KXD1: variants seen among roughly 807,000 people sequenced by gnomAD.
The protein encoded by KXD1 is kxDL motif-containing protein 1.
KXD1 carries 5 observed loss-of-function variants against 12.1 expected under a neutral mutation model. The observed-to-expected ratio is 0.41, with a 90% CI of 0.22 to 0.87. The LOEUF is 0.87. Among genes scored for constraint, KXD1 ranks in the 40% least tolerant of loss-of-function variants. KXD1 has a pLI of 0.31. For missense variants in KXD1, 193 were observed against 244.9 expected, an observed-to-expected ratio of 0.79 and a Z score of 1.41; for synonymous variants, 98 against 100.5, an observed-to-expected ratio of 0.98 and a Z score of 0.15.
intron 3 of KXD1, 162 bp downstream of exon 3, chr19:18,565,183 A>G: frequency 3.5e-6 from 5 of 1,412,512 alleles, no homozygotes; most frequent in Non-Finnish European, 4.6e-6. Flanking sequence ...CTGGGATAAA[A>G]TCTTGACGTA....
chr19:18,559,966 T>C, intron 1 of KXD1: 2 of 147,638 alleles, frequency 1.4e-5, no homozygotes, highest in Non-Finnish European at 3.0e-5. Flanking sequence ...CTTCTCTCTC[T>C]CTTTCTCTCT....
intron 3 of KXD1, 52 bp from the exon 4 acceptor site, chr19:18,567,080 C>A: frequency 6.3e-7 from 1 of 1,588,704 alleles, no homozygotes; most frequent in Non-Finnish European, 8.6e-7. Context: ...AGCACCAGGC[C>A]CAGCCTACCT....
At chr19:18,568,252 C>T (rs1269892709) in intron 4 of KXD1, 150 bp from the exon 5 acceptor site, 21 of 648,138 alleles carry the variant, frequency 3.2e-5, no homozygotes, top group East Asian at 1.0e-4. Flanking sequence ...GGGCAAAGAG[C>T]GAAACTCCGT....
chr19:18,560,714 CTTT>C (rs11313029), intron 1 of KXD1, among the ~76,000 whole-genome samples: 331 of 148,108 alleles, frequency 2.2e-3, no homozygotes, highest in South Asian at 5.3e-3. Flanking sequence ...TCTACTCCTT[CTTT>C]TTTTTTTTTG....
Position 18,568,744 on chromosome 19 carries a change from C to T in KXD1, c.*113C>T, listed in dbSNP as rs1348082889. On this transcript the variant is annotated 3_prime_UTR_variant, in exon 5 of 5. Coordinates refer to ENST00000222307, the MANE Select transcript of KXD1 (RefSeq NM_024069.4). ...CTCCTTTGCTGCCCCGTTCTGTCAC[C>T]CAGGGCTCCTAGGGGGACAAGGCTC... 2.6e-6 allele frequency: 2 copies of T among 770,442 alleles called. No individual in the cohort carries two copies. The highest frequency in any genetic ancestry group is 3.4e-5 in the South Asian group (2 of 58,882). 47.7% of individuals were successfully genotyped at this position (770,442 alleles called of 1,614,324 possible).
chr19:18,560,223 G>T (rs990681551), intron 1 of KXD1: 5 of 151,930 alleles, frequency 3.3e-5, no homozygotes, highest in Non-Finnish European at 7.4e-5. Context: ...GGCCAGGCTG[G>T]TTTTGAACTC....
chr19:18,568,265 CAAAAA>C (rs397859705), intron 4 of KXD1, 132 bp from the exon 5 acceptor site: 494 of 499,596 alleles, frequency 9.9e-4, no homozygotes, highest in Middle Eastern at 1.5e-3. Context: ...AACTCCGTCT[CAAAAA>C]AAAAAAAAAA....
chr19:18,560,700 C>T (rs1466076036), intron 1 of KXD1: 1 of 140,890 alleles, frequency 7.1e-6, no homozygotes, highest in Non-Finnish European at 1.5e-5. Context: ...GTGACAGACA[C>T]ACCTCTACTC....
intron 3 of KXD1, 144 bp from the exon 4 acceptor site, chr19:18,566,987 GT>G (rs1370226904): frequency 1.4e-6 from 1 of 701,870 alleles, no homozygotes; most frequent in African/African-American, 1.8e-5. Flanking sequence ...CCTAGAGAGA[GT>G]GAAGATGTGA....
At chr19:18,562,457 GTTTA>G (rs761752416) in intron 2 of KXD1, among the ~76,000 whole-genome samples, 6 of 152,012 alleles carry the variant, frequency 3.9e-5, no homozygotes, top group South Asian at 2.1e-4. Context: ...AGGTTTTTTT[GTTTA>G]TTTGTTTCTT....
chr19:18,568,610 C>G lies in KXD1; in HGVS notation c.510C>G (p.Asp170Glu). 3 of 1,611,678 alleles carry G rather than the reference C, an allele frequency of 1.9e-6. No homozygotes were observed. Among genetic ancestry groups the G allele is most frequent in the Non-Finnish European group, 2.5e-6 (3 of 1,179,942 alleles). The change falls in exon 5 of 5, where the codon GAC (aspartate) becomes GAG (glutamate). Residue 170 changes from aspartate to glutamate, a missense_variant. Physicochemically the swap from Asp to Glu is conservative, Grantham distance 45 (BLOSUM62 2). Transcript: ENST00000222307. The part of the protein sequence containing the change: ...PAINGRSQTD[D>E]EEMTGE ...TCAACGGCCGCAGCCAGACAGATGA[C>G]GAGGAGATGACGGGCGAATAGCCCT...
At chr19:18,558,576 C>T (rs1977010319) in intron 1 of KXD1, 1 of 152,174 alleles carries the variant, frequency 6.6e-6, no homozygotes, top group South Asian at 2.1e-4. Context: ...TCGTTATCAC[C>T]TTTGGTTTCA....
chr19:18,565,221 C>T lies in KXD1; in HGVS notation c.254+200C>T, dbSNP rs558628491. The T allele has an allele frequency of 1.5e-4, 195 of 1,309,658 alleles. 2 individuals are homozygous for T. The South Asian group carries it at 3.3e-3, about 22-fold the overall frequency. The allele number at this position is 1,309,658 out of a possible 1,614,324, so 81.1% of individuals were successfully genotyped here. A position where few individuals can be genotyped will look rare whatever the true frequency, so the allele number is the denominator to read the frequency against. On this transcript the variant is annotated intron_variant, in intron 3 of 4. Transcript: ENST00000222307. ...TTTATTTACTGATTGATTAATTGATCGAGACAGAGTTTTTTTTTTTTTTTT... is the reference window on the plus strand; with the variant it reads ...TTTATTTACTGATTGATTAATTGATTGAGACAGAGTTTTTTTTTTTTTTTT...
intron 4 of KXD1, 194 bp downstream of exon 4, chr19:18,567,372 A>T (rs1289913016): frequency 1.5e-6 from 1 of 653,378 alleles, no homozygotes; most frequent in Non-Finnish European, 2.8e-6. Context: ...GGGCACTAGG[A>T]CGGGAGTCCG....
chr19:18,562,754 G>C (rs1370364965), intron 2 of KXD1, among the ~76,000 whole-genome samples: 1 of 152,248 alleles, frequency 6.6e-6, no homozygotes, highest in Non-Finnish European at 1.5e-5. Flanking sequence ...GAGCCACTGT[G>C]CCTGGCCTTT....
Position 18,568,560 on chromosome 19 carries a change from C to G in KXD1, c.460C>G (p.His154Asp), listed in dbSNP as rs1482137121. Reference protein sequence around the residue: ...SLSPGFEDLSHVQPGSPAING... With the variant: ...SLSPGFEDLSDVQPGSPAING... ...GAGCCCCGGCTTCGAGGACCTGTCC[C>G]ATGTCCAGCCTGGCTCCCCAGCCAT... Residue 154 changes from histidine (H) to aspartate (D), a missense_variant, in exon 5 of 5, where the codon CAT becomes GAT. Physicochemically the swap from His to Asp is moderately conservative, Grantham distance 81. Coordinates refer to ENST00000222307, the MANE Select transcript of KXD1 (RefSeq NM_024069.4). 6.2e-7 allele frequency: 1 copy of G among 1,613,790 alleles called. No individual in the cohort carries two copies. The highest frequency in any genetic ancestry group is 8.5e-7 in the Non-Finnish European group (1 of 1,180,046).
In KXD1 at chr19:18,568,499, A is replaced by G. The variant is rs775989360; in HGVS notation, c.399A>G (p.Ser133=). 6.8e-6 allele frequency: 11 copies of G among 1,613,962 alleles called. No individual in the cohort carries two copies. Among genetic ancestry groups the G allele is most frequent in the Middle Eastern group, 1.6e-4 (1 of 6,084 alleles). The change falls in exon 5 of 5, where the codon TCA becomes TCG. Residue 133 remains serine, a synonymous_variant. Transcript: ENST00000222307. ...TIATSEQSTG[S]CDTSPDTVSP... ...CCACCTCAGAACAGAGCACGGGCTCATGTGACACCAGCCCCGACACCGTCT... is the reference window on the plus strand; with the variant it reads ...CCACCTCAGAACAGAGCACGGGCTCGTGTGACACCAGCCCCGACACCGTCT...
At position 18,568,603 on chromosome 19, in the gene KXD1, C is replaced by G. The variant is rs138464165; in HGVS notation, c.503C>G (p.Thr168Arg). The stretch of plus-strand genomic sequence containing the variant: ...CCAGCCATCAACGGCCGCAGCCAGA[C>G]AGATGACGAGGAGATGACGGGCGAA... ...GSPAINGRSQ[T>R]DDEEMTGE is the part of the protein sequence containing the mutation. The change falls in exon 5 of 5, where the codon ACA becomes AGA. Residue 168 changes from threonine to arginine, a missense_variant. Thr to Arg is a moderately conservative substitution (Grantham distance 71, BLOSUM62 -1). Transcript: ENST00000222307. 140 of 1,612,338 alleles carry G rather than the reference C, an allele frequency of 8.7e-5. No individual in the cohort carries two copies. The African/African-American group carries it at 1.7e-3, about 19-fold the overall frequency.
At chr19:18,568,313 G>A (rs1175143069) in intron 4 of KXD1, 89 bp from the exon 5 acceptor site, 5 of 922,934 alleles carry the variant, frequency 5.4e-6, no homozygotes, top group Non-Finnish European at 8.6e-6. Flanking sequence ...TGGGGTGAGG[G>A]CAGCCGTTAG....
Sources: gnomAD v4.1 joint callset for allele counts (sites outside exome capture counted in the v4.1 genomes callset) on GRCh38, gnomAD v4.1.1 for gene constraint, MANE v1.5 for transcripts, NCBI Gene and HGNC (gene_info 2026-07-23, HGNC 2026-07-21) for gene names.